The following ARMCX4 variants were observed in gnomAD, a reference collection of about 807,000 sequenced individuals.
The protein encoded by ARMCX4 is armadillo repeat containing X-linked 4, also known as armadillo repeat-containing X-linked protein 4.
In ARMCX4, 3 loss-of-function variants were observed where a neutral mutation model predicts 34.7. The ratio of observed to expected loss-of-function variants is 0.09; its 90% confidence interval spans 0.04 to 0.22. The LOEUF (loss-of-function observed/expected upper bound fraction) is 0.22. ARMCX4 is among the 10% of genes least tolerant of loss of function. ARMCX4 has a pLI of 1.00. For synonymous variants in ARMCX4, 513 were observed against 632.8 expected (o/e 0.81, Z 2.84); for missense variants, 1,448 against 1,720.8 (o/e 0.84, Z 2.81).
At chrX:101,485,904 C>T (rs1556006657) in intron 1 of ARMCX4, 119 bp from the exon 2 acceptor site, 1 of 111,416 alleles carries the variant, frequency 9.0e-6, no homozygotes, top group African/African-American at 3.3e-5. Flanking sequence ...GTGTCTCAGA[C>T]TGTGGGGAGG....
At chrX:101,438,184 G>T (rs1039211725) in intron 2 of ARMCX4, among the ~76,000 whole-genome samples, 2 of 111,548 alleles carry the variant, frequency 1.8e-5, no homozygotes, top group Non-Finnish European at 3.8e-5. Flanking sequence ...AGGTCTTCTT[G>T]GTGCACAGCT....
chrX:101,440,726 A>G (rs1446692784), intron 2 of ARMCX4, among the ~76,000 whole-genome samples: 2 of 111,305 alleles, frequency 1.8e-5, no homozygotes, highest in African/African-American at 6.5e-5. Flanking sequence ...TCTCAGACTG[A>G]TGTGCTAGCA....
At chrX:101,534,575 CAT>C (rs1236595452), downstream of ARMCX4, among the ~76,000 whole-genome samples, 1 of 110,132 alleles carries the variant, frequency 9.1e-6, no homozygotes, top group Non-Finnish European at 1.9e-5. Context: ...TAGATACAAA[CAT>C]ATGTGGATGT....
In ARMCX4 at chrX:101,491,207, T is replaced by G. The variant is rs1933964032; in HGVS notation, c.2618T>G (p.Leu873Trp). 8.6e-7 allele frequency: 1 copy of G among 1,156,301 alleles called. No homozygotes were observed. The highest frequency in any genetic ancestry group is 1.1e-6 in the Non-Finnish European group (1 of 873,047). The change falls in exon 6 of 6, where the codon TTG becomes TGG. Residue 873 changes from leucine (L) to tryptophan (W), a missense_variant. Coordinates refer to ENST00000423738, the MANE Select transcript of ARMCX4 (RefSeq NM_001256155.3). Reference sequence around the variant, plus strand: ...GTGGGCTCTACCCAGCCTCAGGTTTTGGCCAGCTCCCAGCGTGAGACCTTG... The same window carrying G: ...GTGGGCTCTACCCAGCCTCAGGTTTGGGCCAGCTCCCAGCGTGAGACCTTG... ...DTVGSTQPQV[L>W]ASSQRETLPG... is the part of the protein sequence containing the mutation.
intron 4 of ARMCX4, among the ~76,000 whole-genome samples, chrX:101,470,494 T>G (rs1312355085): frequency 9.1e-6 from 1 of 110,232 alleles, no homozygotes; most frequent in African/African-American, 3.3e-5. Flanking sequence ...TGTAATTTTA[T>G]TAATAGTAGA....
chrX:101,499,817 T>G (rs1934257950), downstream of ARMCX4, among the ~76,000 whole-genome samples: 1 of 111,293 alleles, frequency 9.0e-6, no homozygotes, highest in East Asian at 2.8e-4. Context: ...TGGGGGGAAA[T>G]AGGCAGCCAA....
intron 11 of ARMCX4, among the ~76,000 whole-genome samples, chrX:101,528,028 C>A (rs1392775568): frequency 4.5e-5 from 5 of 111,167 alleles, no homozygotes; most frequent in African/African-American, 1.6e-4. Context: ...GACACACACA[C>A]AAAAAAGAGA....
chrX:101,422,011 T>TATG (rs1929300139), intron 2 of ARMCX4, among the ~76,000 whole-genome samples: 1 of 103,588 alleles, frequency 9.7e-6, no homozygotes, highest in Non-Finnish European at 2.0e-5. Context: ...TTATTATTAT[T>TATG]ATTATTATTA....
chrX:101,430,557 T>C (rs1929935246), intron 2 of ARMCX4, among the ~76,000 whole-genome samples: 1 of 112,598 alleles, frequency 8.9e-6, no homozygotes. Context: ...TTAAAGAGCA[T>C]GTGACAAATA....
chrX:101,516,954 A>G (rs1198057520), intron 11 of ARMCX4: 1 of 111,414 alleles, frequency 9.0e-6, no homozygotes, highest in Non-Finnish European at 1.9e-5. Context: ...TTTACCTACA[A>G]CTGTCTTCAT....
At chrX:101,510,541 A>AT (rs1270528355) in intron 10 of ARMCX4, among the ~76,000 whole-genome samples, 1 of 111,101 alleles carries the variant, frequency 9.0e-6, no homozygotes, top group African/African-American at 3.3e-5. Flanking sequence ...TTTTGGTCTT[A>AT]TTTTCACCCT....
intron 2 of ARMCX4, among the ~76,000 whole-genome samples, chrX:101,422,236 C>T (rs7063879): frequency 0.12 from 12,533 of 106,051 alleles, 1,857 homozygotes; most frequent in African/African-American, 0.4. Context: ...AGGCTGGTCT[C>T]GAACTCCTGA....
chrX:101,513,592 A>G (rs1188824722), intron 11 of ARMCX4, among the ~76,000 whole-genome samples: 1 of 112,155 alleles, frequency 8.9e-6, no homozygotes, highest in East Asian at 2.8e-4. Flanking sequence ...CACACAAACA[A>G]ACATAATGAA....
Position 101,420,022 on chromosome X carries a change from A to G in ARMCX4, n.164+1022A>G, listed in dbSNP as rs192154914. On this transcript the variant is annotated intron_variant and non_coding_transcript_variant, in intron 2 of 3. Transcript: ENST00000430461. ...GAAGGCACTCTCAGACAGTGCTTCT[A>G]GTAGTATATATTAGCATGACCTGCC... 4.2e-3 allele frequency among the ~76,000 whole-genome samples: 477 copies of G among 112,267 alleles called. 7 individuals are homozygous for G. Among genetic ancestry groups the G allele is most frequent in the African/African-American group, 0.014 (429 of 30,917 alleles).
chrX:101,478,163 T>G (rs1396000275), intron 4 of ARMCX4, among the ~76,000 whole-genome samples: 3 of 112,219 alleles, frequency 2.7e-5, no homozygotes, highest in African/African-American at 9.7e-5. Flanking sequence ...AAAGATAACA[T>G]GAATAGTATA....
At chrX:101,456,780 C>T (rs1932308790) in intron 4 of ARMCX4, among the ~76,000 whole-genome samples, 1 of 110,834 alleles carries the variant, frequency 9.0e-6, no homozygotes, top group African/African-American at 3.3e-5. Flanking sequence ...TTCTAATTTT[C>T]TTAATTGTCT....
intron 4 of ARMCX4, among the ~76,000 whole-genome samples, chrX:101,471,402 C>G (rs1354241610): frequency 3.6e-5 from 4 of 112,160 alleles, no homozygotes; most frequent in African/African-American, 9.7e-5. Context: ...GGACATGAAG[C>G]TATTCCCCAA....
At chrX:101,509,784 T>A (rs368634768) in intron 10 of ARMCX4, 1 of 111,960 alleles carries the variant, frequency 8.9e-6, no homozygotes, top group East Asian at 2.8e-4. Flanking sequence ...TGACAGGTTA[T>A]CTTGAAAATG....
At chrX:101,462,128 A>AT (rs1252328083) in intron 4 of ARMCX4, among the ~76,000 whole-genome samples, 7 of 112,157 alleles carry the variant, frequency 6.2e-5, no homozygotes, top group African/African-American at 2.3e-4. Flanking sequence ...GTTTTGAAGA[A>AT]TATGTGTATT....
Sources: allele counts gnomAD v4.1 joint callset (sites outside exome capture counted in the v4.1 genomes callset), GRCh38; gene constraint gnomAD v4.1.1; transcripts MANE v1.5; gene names NCBI Gene and HGNC (gene_info 2026-07-23, HGNC 2026-07-21).